The following BRD3 variants were observed in gnomAD, a reference collection of about 807,000 sequenced individuals.
BRD3 encodes bromodomain containing 3, also known as bromodomain-containing protein 3.
A neutral mutation model predicts 66.8 loss-of-function variants in BRD3; 17 were observed. That is an observed-to-expected ratio of 0.25 (90% CI 0.17 to 0.38). The LOEUF (loss-of-function observed/expected upper bound fraction) is 0.38. Ranked by LOEUF, BRD3 falls within the 10% of genes least tolerant of loss-of-function variation. BRD3 has a pLI of 1.00. For missense variants in BRD3, 713 were observed against 956.1 expected, an observed-to-expected ratio of 0.75 and a Z score of 3.35; for synonymous variants, 421 against 393.2, an observed-to-expected ratio of 1.07 and a Z score of -0.84.
chr9:134,040,714 G>T (rs891944208), intron 8 of BRD3, among the ~76,000 whole-genome samples: 49 of 152,300 alleles, frequency 3.2e-4, no homozygotes, highest in Admixed American at 9.2e-4. Context: ...TATTACCATT[G>T]TTCAGATAAG....
chr9:134,053,147 C>A, intron 2 of BRD3, 118 bp downstream of exon 2: 1 of 1,173,300 alleles, frequency 8.5e-7, no homozygotes. Context: ...CAGGCTGTCC[C>A]CAGCTTAGCA....
In BRD3 at chr9:134,053,392, G is replaced by A; in HGVS notation, c.86C>T (p.Pro29Leu). ...GTTGGTCTTGCGGCCGGGCTTGCTGGGGTTGGAGACCTCCGGGGGGGGTGG... is the reference window on the plus strand; with the variant it reads ...GTTGGTCTTGCGGCCGGGCTTGCTGAGGTTGGAGACCTCCGGGGGGGGTGG... ...VNPPPPEVSN[P>L]SKPGRKTNQL... The change falls in exon 2 of 12, where the codon CCC (proline) becomes CTC (leucine). Residue 29 changes from proline to leucine, a missense_variant. Around this residue, in one of 5 missense-constraint regions of BRD3, gnomAD observed 85 missense variants for 152.4 expected, o/e 0.56. Transcript: ENST00000303407. The A allele has an allele frequency of 6.2e-7, 1 of 1,613,366 alleles. No individual in the cohort carries two copies. The highest frequency in any genetic ancestry group is 8.5e-7 in the Non-Finnish European group (1 of 1,179,982).
chr9:134,040,829 A>G (rs913030955), intron 8 of BRD3, among the ~76,000 whole-genome samples: 3 of 152,224 alleles, frequency 2.0e-5, no homozygotes, highest in Admixed American at 1.3e-4. Context: ...AAAACAATCC[A>G]CTGCCAGCAA....
Position 134,032,863 on chromosome 9 carries a change from T to G in BRD3, c.*727A>C. 1 of 264,194 alleles carries G rather than the reference T, an allele frequency of 3.8e-6. No homozygotes were observed. Among genetic ancestry groups the G allele is most frequent in the African/African-American group, 2.2e-5 (1 of 45,250 alleles). The allele number at this position is 264,194 out of a possible 1,614,324, so 16.4% of individuals were successfully genotyped here. A position where few individuals can be genotyped will look rare whatever the true frequency, so the allele number is the denominator to read the frequency against. ...TCCTTTTTTTTTTTTTTTAAATCTT[T>G]TCTTCTTTTTTTTTTTTTAAAGTTG... On this transcript the variant is annotated 3_prime_UTR_variant, in exon 12 of 12. Coordinates refer to ENST00000303407, the MANE Select transcript of BRD3 (RefSeq NM_007371.4).
At chr9:134,065,767 GTGGTGGCACTTCC>G (rs1830637711) in intron 1 of BRD3, among the ~76,000 whole-genome samples, 2 of 152,232 alleles carry the variant, frequency 1.3e-5, no homozygotes, top group Non-Finnish European at 2.9e-5. Flanking sequence ...CTCAGGGAAA[GTGGTGGCACTTCC>G]TGGTGGCACC....
chr9:134,040,332 C>T (rs997041485), intron 8 of BRD3, 63 bp from the exon 9 acceptor site: 24 of 1,528,640 alleles, frequency 1.6e-5, no homozygotes, highest in African/African-American at 1.1e-4. Flanking sequence ...GGCTGCGTGG[C>T]GCCCTGGGAT....
In BRD3 at chr9:134,041,658, CAG is replaced by C. The variant is rs1830049651; in HGVS notation, c.1407+100_1407+101del. 101 of 1,319,786 alleles carry C rather than the reference CAG, an allele frequency of 7.7e-5. 1 individual carries two copies. The South Asian group carries it at 1.4e-3, about 18-fold the overall frequency. 81.8% of individuals were successfully genotyped at this position (1,319,786 alleles called of 1,614,324 possible). ...AAGCACTACCGCGGCTGCTGAGGGA[CAG>C]GGGCAGAGGAAGGAACCATGCAAAG... is the stretch of plus-strand genomic sequence containing the variant. On this transcript the variant is annotated intron_variant, in intron 8 of 11. Coordinates refer to ENST00000303407, the MANE Select transcript of BRD3 (RefSeq NM_007371.4).
chr9:134,050,251 G>C, intron 5 of BRD3, 123 bp downstream of exon 5: 9 of 873,288 alleles, frequency 1.0e-5, no homozygotes, highest in Non-Finnish European at 1.6e-5. Context: ...GGCGCAGAGA[G>C]AAACACTCCC....
chr9:134,033,449 A>G lies in BRD3; in HGVS notation c.*141T>C, dbSNP rs199674805. 15 of 582,032 alleles carry G rather than the reference A, an allele frequency of 2.6e-5. No individual in the cohort carries two copies. In the South Asian group the frequency reaches 3.2e-4, roughly 12 times the overall value. 36.1% of individuals were successfully genotyped at this position (582,032 alleles called of 1,614,324 possible). A position where few individuals can be genotyped will look rare whatever the true frequency, so the allele number is the denominator to read the frequency against. Reference sequence around the variant, plus strand: ...GATAGATCTCTGACCTATGAAAGCAAAAACTGGAAGATATCATAACACTGA... The same window carrying G: ...GATAGATCTCTGACCTATGAAAGCAGAAACTGGAAGATATCATAACACTGA... On this transcript the variant is annotated 3_prime_UTR_variant, in exon 12 of 12. Transcript: ENST00000303407. This position sits in a 1 kb window ranked among gnomAD's most constrained non-coding sequence, Gnocchi z 5.1.
At chr9:134,065,608 A>C (rs1830634289) in intron 1 of BRD3, among the ~76,000 whole-genome samples, 1 of 152,188 alleles carries the variant, frequency 6.6e-6, no homozygotes, top group Non-Finnish European at 1.5e-5. Flanking sequence ...CCCAGGCAGC[A>C]ACGCTGGGAA....
Position 134,053,381 on chromosome 9 carries a change from C to G in BRD3, c.97G>C (p.Gly33Arg), listed in dbSNP as rs201114126. 7 of 1,464,788 alleles carry G rather than the reference C, an allele frequency of 4.8e-6. No homozygotes were observed. Among genetic ancestry groups the G allele is most frequent in the Non-Finnish European group, 6.5e-6 (7 of 1,081,548 alleles). 90.7% of individuals were successfully genotyped at this position (1,464,788 alleles called of 1,614,324 possible). The change falls in exon 2 of 12, where the codon GGC becomes CGC. Residue 33 changes from glycine (G) to arginine (R), a missense_variant. Gly to Arg is a moderately radical substitution (Grantham distance 125, BLOSUM62 -2). Transcript: ENST00000303407. ...TACTGCAGCTGGTTGGTCTTGCGGC[C>G]GGGCTTGCTGGGGTTGGAGACCTCC... is the stretch of plus-strand genomic sequence containing the variant. ...PPEVSNPSKP[G>R]RKTNQLQYMQ...
intron 4 of BRD3, among the ~76,000 whole-genome samples, chr9:134,051,356 G>C (rs1331627091): frequency 6.6e-6 from 1 of 152,238 alleles, no homozygotes; most frequent in Non-Finnish European, 1.5e-5. Context: ...AAGGCAGCCA[G>C]CTATGGCGTT....
rs569949204 is a variant in BRD3 at position 134,045,713 on chromosome 9, G to T, written c.1087-292C>A. ...AACAAGAAATCCCAGGTTCCCGTAGGCGTCCCTTGGCCCCTTCCTTGTCCA... is the reference window on the plus strand; with the variant it reads ...AACAAGAAATCCCAGGTTCCCGTAGTCGTCCCTTGGCCCCTTCCTTGTCCA... On this transcript the variant is annotated intron_variant, in intron 6 of 11. Coordinates refer to ENST00000303407, the MANE Select transcript of BRD3 (RefSeq NM_007371.4). The surrounding 1 kb of genome is among the most constrained non-coding windows in gnomAD (Gnocchi z 4.8). Among the ~76,000 whole-genome samples, 1 of 152,158 alleles carries T rather than the reference G, an allele frequency of 6.6e-6. No homozygotes were observed. The highest frequency in any genetic ancestry group is 1.5e-5 in the Non-Finnish European group (1 of 68,036).
At chr9:134,034,871 G>A (rs199789615) in intron 10 of BRD3, 42 bp from the exon 11 acceptor site, 31 of 1,606,594 alleles carry the variant, frequency 1.9e-5, no homozygotes, top group East Asian at 1.1e-4. Context: ...AGAGCAGACC[G>A]ATGGGGCAGG....
intron 7 of BRD3, among the ~76,000 whole-genome samples, chr9:134,043,268 G>C (rs986505037): frequency 1.3e-5 from 2 of 152,074 alleles, no homozygotes; most frequent in South Asian, 2.1e-4. Flanking sequence ...ACCACACCCA[G>C]ACTTCCTATC....
At position 134,042,674 on chromosome 9, in the gene BRD3, TATA is replaced by T. The variant is rs1830077612; in HGVS notation, c.1216-726_1216-724del. Among the ~76,000 whole-genome samples, 16 of 142,014 alleles carry T rather than the reference TATA, an allele frequency of 1.1e-4. No individual in the cohort carries two copies. The South Asian group carries it at 4.1e-3, about 36-fold the overall frequency. 93.2% of individuals were successfully genotyped at this position (142,014 alleles called of 152,430 possible). ...ACACACACACACACACACACACATA[TATA>T]TACACACACACACATATACACACAC... On this transcript the variant is annotated intron_variant, in intron 7 of 11. Transcript: ENST00000303407.
At chr9:134,063,563 A>T (rs185635660) in intron 1 of BRD3, among the ~76,000 whole-genome samples, 1 of 152,202 alleles carries the variant, frequency 6.6e-6, no homozygotes, top group South Asian at 2.1e-4. Flanking sequence ...TTATAGCTAC[A>T]ATACTCAGCA....
chr9:134,059,270 C>A (rs912615896), intron 1 of BRD3, among the ~76,000 whole-genome samples: 2 of 152,214 alleles, frequency 1.3e-5, no homozygotes, highest in Non-Finnish European at 2.9e-5. Flanking sequence ...CCCCCAGCAC[C>A]CCGTTCCTCA....
intron 1 of BRD3, among the ~76,000 whole-genome samples, chr9:134,055,155 C>A (rs898646975): frequency 6.6e-6 from 1 of 152,200 alleles, no homozygotes; most frequent in Non-Finnish European, 1.5e-5. Context: ...GCCACCACCA[C>A]TTGCAAGGAT....
Sources: gnomAD v4.1 joint callset for allele counts (sites outside exome capture counted in the v4.1 genomes callset) on GRCh38, gnomAD v4.1.1 for gene constraint, gnomAD v4.1.1 regional missense constraint, Gnocchi (gnomAD v3.1) non-coding constraint, MANE v1.5 for transcripts, NCBI Gene and HGNC (gene_info 2026-07-23, HGNC 2026-07-21) for gene names.